Variants in FNDC1 observed in about 807,000 individuals in gnomAD.
The protein encoded by FNDC1 is fibronectin type III domain-containing protein 1.
Under a neutral mutation model 168.0 loss-of-function variants are expected in FNDC1, and 96 were observed. The observed-to-expected ratio is 0.57, with a 90% CI of 0.48 to 0.68. FNDC1 has a LOEUF of 0.68. Among genes scored for constraint, FNDC1 ranks in the 30% least tolerant of loss-of-function variants. The pLI is 0.00. For missense variants in FNDC1, 2,587 were observed against 2,482.1 expected, an observed-to-expected ratio of 1.04 and a Z score of -0.90; for synonymous variants, 1,099 against 1,025.9, an observed-to-expected ratio of 1.07 and a Z score of -1.36.
At chr6:159,250,056 C>T (rs1777223918) in intron 16 of FNDC1, among the ~76,000 whole-genome samples, 1 of 152,252 alleles carries the variant, frequency 6.6e-6, no homozygotes, top group Non-Finnish European at 1.5e-5. Flanking sequence ...GCTGACTTCT[C>T]TCCCGGCAGT....
Position 159,272,051 on chromosome 6 carries a change from C to T in FNDC1, c.*609C>T, listed in dbSNP as rs561406343. 6.6e-6 allele frequency: 1 copy of T among 152,162 alleles called. No homozygotes were observed. The highest frequency in any genetic ancestry group is 2.1e-4 in the South Asian group (1 of 4,810). The allele number at this position is 152,162 out of a possible 1,614,324, so 9.4% of individuals were successfully genotyped here. A position where few individuals can be genotyped will look rare whatever the true frequency, so the allele number is the denominator to read the frequency against. The stretch of plus-strand genomic sequence containing the variant: ...TATATGTATATATGCATATACATAT[C>T]CACACTTGTCTGCAAGAATATTGAT... On this transcript the variant is annotated 3_prime_UTR_variant, in exon 23 of 23. Coordinates refer to ENST00000297267, the MANE Select transcript of FNDC1 (RefSeq NM_032532.3).
chr6:159,189,447 G>A (rs150763986), intron 1 of FNDC1, among the ~76,000 whole-genome samples: 1,877 of 152,308 alleles, frequency 0.012, 15 homozygotes, highest in Non-Finnish European at 0.02. Context: ...GAGCTTTACT[G>A]GATAGACAGA....
intron 1 of FNDC1, among the ~76,000 whole-genome samples, chr6:159,170,272 G>A (rs1343597468): frequency 6.6e-6 from 1 of 152,200 alleles, no homozygotes; most frequent in East Asian, 1.9e-4. Flanking sequence ...GGAGGCCCGC[G>A]CGCCCGGGGG....
chr6:159,263,406 TA>T (rs1162685178), intron 19 of FNDC1, among the ~76,000 whole-genome samples: 8 of 152,314 alleles, frequency 5.3e-5, no homozygotes, highest in South Asian at 4.1e-4. Flanking sequence ...TACTGTATGA[TA>T]TTTTTTTCAA....
chr6:159,226,807 T>C (rs1782963543), intron 9 of FNDC1, among the ~76,000 whole-genome samples: 1 of 152,226 alleles, frequency 6.6e-6, no homozygotes, highest in Admixed American at 6.5e-5. Context: ...GCTGTTGCTG[T>C]TGGGAAGGAT....
intron 22 of FNDC1, among the ~76,000 whole-genome samples, chr6:159,269,046 ATCTATCTATCTG>A (rs1777654698): frequency 7.5e-6 from 1 of 133,512 alleles, no homozygotes; most frequent in African/African-American, 2.9e-5. Flanking sequence ...ACCTCTAGGT[ATCTATCTATCTG>A]TCTATCTATC....
At chr6:159,219,370 G>A (rs1482848226) in intron 5 of FNDC1, among the ~76,000 whole-genome samples, 41 of 152,190 alleles carry the variant, frequency 2.7e-4, no homozygotes, top group Admixed American at 2.7e-3. Context: ...GTAATCAGGG[G>A]CACAGAAAGA....
chr6:159,198,546 A>C (rs1264122533), intron 2 of FNDC1, among the ~76,000 whole-genome samples: 1 of 143,494 alleles, frequency 7.0e-6, no homozygotes, highest in Non-Finnish European at 1.5e-5. Context: ...CATTTCCCTT[A>C]ATCTCTTCCA....
chr6:159,219,732 TA>T lies in FNDC1; in HGVS notation c.668-1857del, dbSNP rs963353651. ...GCAGCAAATCAAGAAATCTGGGCAT[TA>T]AAAAAAAATCTCAGAACTTTAAGAA... On this transcript the variant is annotated intron_variant, in intron 5 of 22. Transcript: ENST00000297267. Among the ~76,000 whole-genome samples, 9 of 151,390 alleles carry T rather than the reference TA, an allele frequency of 5.9e-5. No homozygotes were observed. The East Asian group carries it at 7.7e-4, about 13-fold the overall frequency.
At chr6:159,267,947 ATATAT>A (rs1177585301) in intron 22 of FNDC1, 21 bp downstream of exon 22, 1 of 1,599,304 alleles carries the variant, frequency 6.3e-7, no homozygotes, top group African/African-American at 1.3e-5. Flanking sequence ...CAAATGCCTG[ATATAT>A]TATCCTAGGA....
At chr6:159,257,457 T>G (rs1777399510) in intron 18 of FNDC1, among the ~76,000 whole-genome samples, 1 of 152,206 alleles carries the variant, frequency 6.6e-6, no homozygotes, top group African/African-American at 2.4e-5. Context: ...TCTCACAAGC[T>G]GGTACAAATG....
chr6:159,268,954 A>C, intron 22 of FNDC1, among the ~76,000 whole-genome samples: 1 of 147,018 alleles, frequency 6.8e-6, no homozygotes, highest in Non-Finnish European at 1.5e-5. Flanking sequence ...ATCTATCCAT[A>C]CTTCAATCTA....
Position 159,233,108 on chromosome 6 carries a change from G to C in FNDC1, c.2596G>C (p.Asp866His). 1 of 1,603,080 alleles carries C rather than the reference G, an allele frequency of 6.2e-7. No individual in the cohort carries two copies. Among genetic ancestry groups the C allele is most frequent in the Non-Finnish European group, 8.5e-7 (1 of 1,175,074 alleles). ...CCACCCCAGGGTTCCCTCTCACTCT[G>C]ATTCCCACCCTAAGCTTAGCTCAGG... The part of the protein sequence containing the change: ...RAHPRVPSHS[D>H]SHPKLSSGIH... The change falls in exon 11 of 23, where the codon GAT becomes CAT. Residue 866 changes from aspartate (D) to histidine (H), a missense_variant. Asp to His is a moderately conservative substitution (Grantham distance 81). Transcript: ENST00000297267. The surrounding 1 kb of genome is among the most constrained non-coding windows in gnomAD (Gnocchi z 4.6).
At chr6:159,202,294 C>T (rs1782396829) in intron 4 of FNDC1, among the ~76,000 whole-genome samples, 1 of 152,184 alleles carries the variant, frequency 6.6e-6, no homozygotes, top group Non-Finnish European at 1.5e-5. Flanking sequence ...AAGTACTTCA[C>T]AAATTACATT....
intron 4 of FNDC1, among the ~76,000 whole-genome samples, chr6:159,213,366 G>C (rs1782644369): frequency 6.6e-6 from 1 of 152,190 alleles, no homozygotes; most frequent in Non-Finnish European, 1.5e-5. Flanking sequence ...TGACTCCTCA[G>C]GGACCCCGAC....
At chr6:159,192,401 C>T (rs1782159833) in intron 1 of FNDC1, among the ~76,000 whole-genome samples, 1 of 152,178 alleles carries the variant, frequency 6.6e-6, no homozygotes, top group South Asian at 2.1e-4. Flanking sequence ...GTCATTATGG[C>T]ATTATTTTTA....
At chr6:159,189,235 A>G (rs368455477) in intron 1 of FNDC1, among the ~76,000 whole-genome samples, 11 of 152,164 alleles carry the variant, frequency 7.2e-5, no homozygotes, top group African/African-American at 2.4e-4. Context: ...GGCTGTAAGC[A>G]TCATTGGAAC....
At chr6:159,206,653 G>A (rs1468152495) in intron 4 of FNDC1, among the ~76,000 whole-genome samples, 1 of 152,054 alleles carries the variant, frequency 6.6e-6, no homozygotes, top group African/African-American at 2.4e-5. Flanking sequence ...TGATTCGGGG[G>A]GTTCTGGGCA....
chr6:159,212,371 A>G (rs1213988958), intron 4 of FNDC1, among the ~76,000 whole-genome samples: 2 of 152,260 alleles, frequency 1.3e-5, no homozygotes, highest in African/African-American at 4.8e-5. Flanking sequence ...TACAGCCCAG[A>G]GAGAACACTT....
Sources: gnomAD v4.1 joint callset for allele counts (sites outside exome capture counted in the v4.1 genomes callset) on GRCh38, gnomAD v4.1.1 for gene constraint, Gnocchi (gnomAD v3.1) non-coding constraint, MANE v1.5 for transcripts, NCBI Gene and HGNC (gene_info 2026-07-23, HGNC 2026-07-21) for gene names.